Variants in SESTD1 observed in about 807,000 individuals in gnomAD.
SESTD1 encodes the protein SEC14 and spectrin domain containing 1, also known as SEC14 domain and spectrin repeat-containing protein 1.
Under a neutral mutation model 101.7 loss-of-function variants are expected in SESTD1, and 43 were observed. That is an observed-to-expected ratio of 0.42 (90% CI 0.33 to 0.55). SESTD1 has a LOEUF of 0.55. Among genes scored for constraint, SESTD1 ranks in the 20% least tolerant of loss-of-function variants. SESTD1 has a pLI of 0.07. For synonymous variants in SESTD1, 283 were observed against 286.8 expected, an observed-to-expected ratio of 0.99 and a Z score of 0.13; for missense variants, 647 against 815.1, an observed-to-expected ratio of 0.79 and a Z score of 2.51.
chr2:179,143,178 T>C (rs376261697), intron 9 of SESTD1, among the ~76,000 whole-genome samples: 1 of 152,154 alleles, frequency 6.6e-6, no homozygotes, highest in African/African-American at 2.4e-5. Context: ...AAAAATTTGA[T>C]ATTAGAATCA....
intron 10 of SESTD1, 49 bp from the exon 11 acceptor site, chr2:179,124,607 G>C: frequency 7.0e-7 from 1 of 1,434,556 alleles, no homozygotes; most frequent in Non-Finnish European, 9.6e-7. Flanking sequence ...TTAGTTCCTG[G>C]AAGAGATTAC....
chr2:179,137,868 C>G (rs1019338672), intron 9 of SESTD1, among the ~76,000 whole-genome samples: 6 of 152,108 alleles, frequency 3.9e-5, no homozygotes, highest in African/African-American at 1.4e-4. Context: ...TATCTTTAAA[C>G]AAGCAAAAAA....
intron 1 of SESTD1, among the ~76,000 whole-genome samples, chr2:179,241,660 C>T (rs566981336): frequency 1.7e-3 from 261 of 151,984 alleles, no homozygotes; most frequent in South Asian, 0.016. Flanking sequence ...CAGTGGCTCA[C>T]GCATGTAATC....
intron 1 of SESTD1, among the ~76,000 whole-genome samples, chr2:179,229,158 T>C (rs910193277): frequency 6.6e-6 from 1 of 152,146 alleles, no homozygotes; most frequent in African/African-American, 2.4e-5. Context: ...TGCCCAAATA[T>C]CTGGTTAAAC....
chr2:179,118,189 T>A (rs527920171), intron 13 of SESTD1, among the ~76,000 whole-genome samples: 2 of 152,210 alleles, frequency 1.3e-5, no homozygotes, highest in Non-Finnish European at 2.9e-5. Flanking sequence ...CCTAAAATAA[T>A]ATTTAATTCT....
chr2:179,161,970 A>T (rs1035330345), intron 5 of SESTD1, among the ~76,000 whole-genome samples: 1 of 152,196 alleles, frequency 6.6e-6, no homozygotes, highest in African/African-American at 2.4e-5. Flanking sequence ...TATGCTACAT[A>T]ACAATTTTAT....
intron 4 of SESTD1, among the ~76,000 whole-genome samples, chr2:179,175,573 T>C (rs1166219963): frequency 1.3e-5 from 2 of 152,186 alleles, no homozygotes; most frequent in Admixed American, 6.5e-5. Context: ...TTATGAGCTA[T>C]ATGTAAGTCA....
chr2:179,225,835 A>G (rs1677465238), intron 1 of SESTD1, among the ~76,000 whole-genome samples: 1 of 151,998 alleles, frequency 6.6e-6, no homozygotes, highest in African/African-American at 2.4e-5. Context: ...TGACTCAATC[A>G]CCTCCGAAAG....
chr2:179,159,912 T>TAG (rs897431176), intron 5 of SESTD1, among the ~76,000 whole-genome samples: 4 of 152,216 alleles, frequency 2.6e-5, no homozygotes, highest in African/African-American at 9.6e-5. Context: ...TGGAGTGCAA[T>TAG]AGCACGATCT....
intron 1 of SESTD1, among the ~76,000 whole-genome samples, chr2:179,257,665 A>T (rs910504905): frequency 6.6e-6 from 1 of 152,240 alleles, no homozygotes; most frequent in Admixed American, 6.5e-5. Flanking sequence ...AAAGGCAAAG[A>T]ATAGAGAAAA....
At chr2:179,135,609 C>A (rs1235034110) in intron 9 of SESTD1, among the ~76,000 whole-genome samples, 1 of 151,972 alleles carries the variant, frequency 6.6e-6, no homozygotes, top group Non-Finnish European at 1.5e-5. Context: ...CAAAAATTAG[C>A]CAGGCGTGGT....
chr2:179,129,950 C>CTGTT (rs1224734893), intron 10 of SESTD1, among the ~76,000 whole-genome samples: 3 of 152,154 alleles, frequency 2.0e-5, no homozygotes, highest in African/African-American at 7.2e-5. Flanking sequence ...ATGGGTAATT[C>CTGTT]TGTTTCACAT....
chr2:179,149,059 CAAAAAAAAAAAAAAAAAAAAAA>C (rs66636048), intron 7 of SESTD1, among the ~76,000 whole-genome samples: 1 of 60,410 alleles, frequency 1.7e-5, no homozygotes, highest in African/African-American at 5.7e-5. Context: ...GACTCCGTCT[CAAAAAAAAAAAAAAAAAAAAAA>C]AAAAAAAAAA....
chr2:179,171,874 A>G (rs961629533), intron 5 of SESTD1, among the ~76,000 whole-genome samples: 1 of 152,194 alleles, frequency 6.6e-6, no homozygotes, highest in African/African-American at 2.4e-5. Flanking sequence ...CTACTTATTC[A>G]AAGAAGTTAA....
rs753406668 is a variant in SESTD1, at chr2:179,110,061, T to TC, written c.1962-34_1962-33insG. ...TCAAAACACACAGAAAAACCTCAGA[T>TC]TAATACAAATCTATTAACTGCAGTG... On this transcript the variant is annotated intron_variant, in intron 17 of 17. Transcript: ENST00000428443. The TC allele has an allele frequency of 3.8e-4, 607 of 1,609,490 alleles. 1 individual carries two copies. The highest frequency in any genetic ancestry group is 4.7e-4 in the Non-Finnish European group (549 of 1,177,644).
intron 1 of SESTD1, among the ~76,000 whole-genome samples, chr2:179,249,146 T>C (rs1361353118): frequency 2.0e-5 from 3 of 149,324 alleles, no homozygotes; most frequent in African/African-American, 7.4e-5. Context: ...CACCAATCTT[T>C]TCAGTACAGT....
chr2:179,159,344 T>C (rs1559120439), intron 5 of SESTD1, among the ~76,000 whole-genome samples: 1 of 152,052 alleles, frequency 6.6e-6, no homozygotes, highest in Non-Finnish European at 1.5e-5. Context: ...CAAACCAAGT[T>C]TGAATAAACA....
intron 1 of SESTD1, among the ~76,000 whole-genome samples, chr2:179,243,944 G>GTGTA (rs1336956380): frequency 7.8e-4 from 109 of 139,392 alleles, no homozygotes; most frequent in South Asian, 2.0e-3. Flanking sequence ...ATATGTGTGT[G>GTGTA]TATATATATA....
intron 9 of SESTD1, among the ~76,000 whole-genome samples, chr2:179,135,591 T>A (rs1042706003): frequency 6.6e-6 from 1 of 151,986 alleles, no homozygotes; most frequent in Non-Finnish European, 1.5e-5. Flanking sequence ...CTGTCTCTAC[T>A]AAAAATACAA....
Sources: gnomAD v4.1 joint callset for allele counts (sites outside exome capture counted in the v4.1 genomes callset) on GRCh38, gnomAD v4.1.1 for gene constraint, MANE v1.5 for transcripts, NCBI Gene and HGNC (gene_info 2026-07-23, HGNC 2026-07-21) for gene names.